SEC31A: variants seen among roughly 807,000 people sequenced by gnomAD.
SEC31A encodes SEC31 homolog A, COPII component.
A neutral mutation model predicts 151.0 loss-of-function variants in SEC31A; 70 were observed. The observed-to-expected ratio is 0.46, with a 90% CI of 0.38 to 0.57. The LOEUF (loss-of-function observed/expected upper bound fraction) is 0.57, where lower values mean the gene tolerates loss of function less well. SEC31A is among the 20% of genes least tolerant of loss of function. The probability of loss-of-function intolerance (pLI) is 0.00; values close to 1 mark genes in which losing one functional copy is unlikely to be tolerated. For missense variants in SEC31A, 1,330 were observed against 1,471.2 expected, an observed-to-expected ratio of 0.90 and a Z score of 1.57; for synonymous variants, 475 against 505.9, an observed-to-expected ratio of 0.94 and a Z score of 0.82.
intron 6 of SEC31A, 130 bp downstream of exon 6, chr4:82,874,481 C>A: frequency 1.2e-6 from 1 of 862,414 alleles, no homozygotes; most frequent in Non-Finnish European, 1.7e-6. Flanking sequence ...TTCCTTCTAA[C>A]ATGACTGATT....
At chr4:82,845,310 A>C in intron 20 of SEC31A, 1 of 1,334,340 alleles carries the variant, frequency 7.5e-7, no homozygotes. Context: ...TGAACAAAGA[A>C]ATACCAATCA....
At chr4:82,824,955 T>A (rs1044691213) in intron 24 of SEC31A, among the ~76,000 whole-genome samples, 1 of 152,200 alleles carries the variant, frequency 6.6e-6, no homozygotes, top group Non-Finnish European at 1.5e-5. Context: ...CAATATTGTT[T>A]ATAACTGATG....
chr4:82,891,069 A>T lies in SEC31A; in HGVS notation c.-5+19T>A. ...CTTAAGGACCGGCGAAGAGGACAAA[A>T]AGCAACGGGCGGACGCACCTGGCGA... On this transcript the variant is annotated intron_variant, in intron 1 of 26. Coordinates refer to ENST00000395310, the MANE Select transcript of SEC31A (RefSeq NM_001077207.4). The T allele has an allele frequency of 6.5e-7, 1 of 1,535,836 alleles. No individual in the cohort carries two copies. The highest frequency in any genetic ancestry group is 1.2e-5 in the South Asian group (1 of 84,046).
intron 6 of SEC31A, among the ~76,000 whole-genome samples, chr4:82,874,096 G>A (rs901660831): frequency 4.6e-5 from 7 of 152,060 alleles, no homozygotes; most frequent in African/African-American, 1.7e-4. Context: ...TCAGGAGTTT[G>A]AGACCAGCCA....
chr4:82,841,907 G>T (rs1728977213), intron 22 of SEC31A, among the ~76,000 whole-genome samples: 1 of 151,904 alleles, frequency 6.6e-6, no homozygotes, highest in Non-Finnish European at 1.5e-5. Flanking sequence ...GGAAGGCAGA[G>T]GTTGCAGTAA....
upstream of SEC31A, chr4:82,893,444 C>T (rs971322591): frequency 6.6e-6 from 1 of 152,180 alleles, no homozygotes; most frequent in African/African-American, 2.4e-5. Context: ...AAGTTGTAGA[C>T]AAAACAATCA....
At chr4:82,876,566 TCA>T (rs1296021968) in intron 4 of SEC31A, among the ~76,000 whole-genome samples, 1 of 152,210 alleles carries the variant, frequency 6.6e-6, no homozygotes, top group Non-Finnish European at 1.5e-5. Context: ...TCAGGATACC[TCA>T]AAGCCAGCTT....
At chr4:82,838,072 T>A (rs1369321309) in intron 22 of SEC31A, among the ~76,000 whole-genome samples, 1 of 152,154 alleles carries the variant, frequency 6.6e-6, no homozygotes, top group East Asian at 1.9e-4. Context: ...CATGAATCCT[T>A]GAAGTCATTT....
chr4:82,876,107 C>CTTT (rs200156848), intron 4 of SEC31A, among the ~76,000 whole-genome samples: 35 of 127,210 alleles, frequency 2.8e-4, no homozygotes, highest in African/African-American at 7.1e-4. Flanking sequence ...TGGATAAATT[C>CTTT]TTTTTTTTTT....
intron 1 of SEC31A, among the ~76,000 whole-genome samples, chr4:82,885,849 C>A (rs186533996): frequency 6.6e-6 from 1 of 152,322 alleles, no homozygotes; most frequent in Admixed American, 6.5e-5. Context: ...ATACTCAATG[C>A]TCTCCAAGAG....
intron 1 of SEC31A, among the ~76,000 whole-genome samples, chr4:82,887,208 T>C (rs529653984): frequency 6.6e-6 from 1 of 152,318 alleles, no homozygotes; most frequent in East Asian, 1.9e-4. Context: ...AATACAATTA[T>C]AGTATTTCTA....
rs1316423251 is a variant in SEC31A at position 82,837,190 on chromosome 4, TATATATATA to T, written c.2968+4941_2968+4949del. Among the ~76,000 whole-genome samples the T allele has an allele frequency of 2.5e-3, 137 of 55,222 alleles. 3 individuals carry two copies. The highest frequency in any genetic ancestry group is 7.5e-3 in the South Asian group (12 of 1,602). 36.2% of individuals were successfully genotyped at this position (55,222 alleles called of 152,430 possible). The stretch of plus-strand genomic sequence containing the variant: ...ATATATATATATATATATATATATA[TATATATATA>T]ATTTCACCACAATAAAAACTTTAAT... On this transcript the variant is annotated intron_variant, in intron 22 of 26. Coordinates refer to ENST00000395310, the MANE Select transcript of SEC31A (RefSeq NM_001077207.4).
Position 82,898,621 on chromosome 4 carries a change from G to T in SEC31A, c.-2+1092C>A, listed in dbSNP as rs1047874821. 4.1e-4 allele frequency among the ~76,000 whole-genome samples: 63 copies of T among 152,170 alleles called. 1 individual carries two copies. Among genetic ancestry groups the T allele is most frequent in the Admixed American group, 4.1e-3 (63 of 15,282 alleles). On this transcript the variant is annotated intron_variant, in intron 3 of 28. Transcript: ENST00000355196. ...AGCCCTCATTTCAGATGATGAACTG[G>T]CAGCAGTACTTTCAACTCTACCTTA...
At chr4:82,857,273 C>A in intron 15 of SEC31A, 143 bp from the exon 16 acceptor site, 1 of 681,670 alleles carries the variant, frequency 1.5e-6, no homozygotes, top group South Asian at 1.9e-5. Flanking sequence ...GGATTAATTT[C>A]TAACACAAGC....
chr4:82,845,378 G>T, intron 20 of SEC31A: 1 of 696,460 alleles, frequency 1.4e-6, no homozygotes, highest in Non-Finnish European at 2.2e-6. Context: ...GGTATTAATA[G>T]CCAGATGCAA....
At chr4:82,852,594 T>G (rs915891174) in intron 18 of SEC31A, among the ~76,000 whole-genome samples, 3 of 151,482 alleles carry the variant, frequency 2.0e-5, no homozygotes, top group African/African-American at 7.3e-5. Flanking sequence ...CCATTTTTTT[T>G]GTTTCAATAG....
chr4:82,838,356 G>A (rs1408844138), intron 22 of SEC31A, among the ~76,000 whole-genome samples: 1 of 152,244 alleles, frequency 6.6e-6, no homozygotes, highest in Middle Eastern at 3.4e-3. Context: ...GTGACAGGCA[G>A]TTATCCTAGA....
chr4:82,824,761 C>T (rs1292963514), intron 24 of SEC31A, 87 bp from the exon 25 acceptor site: 15 of 1,455,442 alleles, frequency 1.0e-5, no homozygotes, highest in Middle Eastern at 1.8e-4. Context: ...AAACAGAAAC[C>T]GACAACCTTG....
chr4:82,867,431 GA>G, intron 8 of SEC31A, 115 bp from the exon 9 acceptor site: 1 of 842,928 alleles, frequency 1.2e-6, no homozygotes, highest in Non-Finnish European at 1.8e-6. Flanking sequence ...TTTTTTTGTA[GA>G]AAGTATCTTT....
Sources: gnomAD v4.1 joint callset for allele counts (sites outside exome capture counted in the v4.1 genomes callset) on GRCh38, gnomAD v4.1.1 for gene constraint, MANE v1.5 for transcripts, NCBI Gene and HGNC (gene_info 2026-07-23, HGNC 2026-07-21) for gene names.